ARHGAP10: variants seen among roughly 807,000 people sequenced by gnomAD.
ARHGAP10 encodes rho GTPase-activating protein 10.
Under a neutral mutation model 108.6 loss-of-function variants are expected in ARHGAP10, and 87 were observed. The observed-to-expected ratio is 0.80, with a 90% CI of 0.67 to 0.96. The LOEUF is 0.96. ARHGAP10 is among the 40% of genes least tolerant of loss of function. The pLI, the probability that ARHGAP10 is intolerant of heterozygous loss-of-function variation, is 0.00. For synonymous variants in ARHGAP10, 347 were observed against 341.1 expected (o/e 1.02, Z -0.19); for missense variants, 939 against 954.5 (o/e 0.98, Z 0.21).
At position 147,775,768 on chromosome 4, in the gene ARHGAP10, A is replaced by G. The variant is rs560929999; in HGVS notation, c.154+43313A>G. On this transcript the variant is annotated intron_variant, in intron 1 of 22. Coordinates refer to ENST00000336498, the MANE Select transcript of ARHGAP10 (RefSeq NM_024605.4). ...GCTCTAAATCCTTTTGCACAGAATT[A>G]TGGTATAAAACAGCATGTATGCAGC... Among the ~76,000 whole-genome samples, 23 of 152,304 alleles carry G rather than the reference A, an allele frequency of 1.5e-4. No individual in the cohort carries two copies. The South Asian group carries it at 3.9e-3, about 26-fold the overall frequency.
intron 1 of ARHGAP10, among the ~76,000 whole-genome samples, chr4:147,757,000 G>A (rs1014086588): frequency 1.3e-5 from 2 of 151,832 alleles, no homozygotes; most frequent in Admixed American, 1.3e-4. Context: ...TGGTGGCAGT[G>A]CAGTTGCAGA....
chr4:147,896,677 A>T (rs140138947), intron 10 of ARHGAP10, among the ~76,000 whole-genome samples: 1,540 of 151,418 alleles, frequency 0.01, 23 homozygotes, highest in African/African-American at 0.034. Context: ...TTTGGATTTA[A>T]TTTTTCTTTT....
intron 19 of ARHGAP10, among the ~76,000 whole-genome samples, chr4:148,042,915 C>G (rs1488109366): frequency 1.3e-5 from 2 of 152,008 alleles, no homozygotes; most frequent in Non-Finnish European, 2.9e-5. Flanking sequence ...TTTTTTTTCC[C>G]TCCTCAATTT....
At chr4:147,742,167 A>AG (rs1271033553) in intron 1 of ARHGAP10, among the ~76,000 whole-genome samples, 1 of 151,898 alleles carries the variant, frequency 6.6e-6, no homozygotes, top group Non-Finnish European at 1.5e-5. Context: ...AAAAAAAAAA[A>AG]TGAGTGCTTT....
At chr4:148,009,592 C>T (rs1379418275) in intron 18 of ARHGAP10, among the ~76,000 whole-genome samples, 2 of 152,154 alleles carry the variant, frequency 1.3e-5, no homozygotes, top group African/African-American at 2.4e-5. Context: ...TGATGTTTCC[C>T]AGTCTGGAAG....
chr4:148,045,738 C>CAAAAAAAA (rs11363800), intron 19 of ARHGAP10, among the ~76,000 whole-genome samples: 4 of 57,520 alleles, frequency 7.0e-5, no homozygotes, highest in African/African-American at 1.5e-4. Context: ...AACTCCATCT[C>CAAAAAAAA]AAAAAAAAAA....
At chr4:147,932,841 T>TAATATGGGA (rs1737759068) in intron 13 of ARHGAP10, among the ~76,000 whole-genome samples, 1 of 152,078 alleles carries the variant, frequency 6.6e-6, no homozygotes, top group African/African-American at 2.4e-5. Context: ...AATAAAAAGG[T>TAATATGGGA]AATATGGGAC....
chr4:147,942,072 G>GAACC (rs1407558229), intron 14 of ARHGAP10, among the ~76,000 whole-genome samples: 1 of 152,124 alleles, frequency 6.6e-6, no homozygotes, highest in Non-Finnish European at 1.5e-5. Context: ...CATTGTTAGA[G>GAACC]GGTTACATGT....
chr4:147,753,158 A>T (rs1729230966), intron 1 of ARHGAP10, among the ~76,000 whole-genome samples: 1 of 152,288 alleles, frequency 6.6e-6, no homozygotes, highest in African/African-American at 2.4e-5. Context: ...CAATTTGCGT[A>T]TGGAAAGCTG....
chr4:148,072,226 G>A lies in ARHGAP10; in HGVS notation c.*145G>A. The A allele has an allele frequency of 3.7e-6, 2 of 536,140 alleles. No homozygotes were observed. The highest frequency in any genetic ancestry group is 4.4e-5 in the South Asian group (2 of 45,788). The allele number at this position is 536,140 out of a possible 1,614,324, so 33.2% of individuals were successfully genotyped here. A position where few individuals can be genotyped will look rare whatever the true frequency, so the allele number is the denominator to read the frequency against. ...ACCATCATCACAGTCAGCCCTGGGG[G>A]TGGGGGGTGGTGGGCAGGGATGGGA... On this transcript the variant is annotated 3_prime_UTR_variant, in exon 23 of 23. Coordinates refer to ENST00000336498, the MANE Select transcript of ARHGAP10 (RefSeq NM_024605.4).
intron 18 of ARHGAP10, among the ~76,000 whole-genome samples, chr4:148,003,580 A>T (rs895150165): frequency 2.6e-5 from 4 of 152,154 alleles, no homozygotes; most frequent in African/African-American, 9.7e-5. Context: ...GACTTGCTTT[A>T]TGAATCTGGG....
intron 3 of ARHGAP10, among the ~76,000 whole-genome samples, chr4:147,845,811 G>GA (rs1486721438): frequency 2.6e-5 from 4 of 152,216 alleles, no homozygotes; most frequent in Admixed American, 2.6e-4. Flanking sequence ...CATGCACTGT[G>GA]AAAACGTATG....
At chr4:148,066,191 G>C (rs761733061) in intron 22 of ARHGAP10, among the ~76,000 whole-genome samples, 23 of 152,118 alleles carry the variant, frequency 1.5e-4, no homozygotes, top group Non-Finnish European at 2.9e-4. Context: ...CATGTATCAT[G>C]GCCACACTCT....
chr4:147,754,188 T>C (rs1017308779), intron 1 of ARHGAP10, among the ~76,000 whole-genome samples: 1 of 152,194 alleles, frequency 6.6e-6, no homozygotes, highest in African/African-American at 2.4e-5. Flanking sequence ...AATGTTTATT[T>C]AGGTTAAGCT....
intron 8 of ARHGAP10, among the ~76,000 whole-genome samples, chr4:147,878,270 G>C (rs1282068866): frequency 6.6e-6 from 1 of 152,040 alleles, no homozygotes; most frequent in Non-Finnish European, 1.5e-5. Context: ...TAAATTTTTT[G>C]TATTTTAGTA....
chr4:147,850,271 G>A (rs984983258), intron 4 of ARHGAP10, among the ~76,000 whole-genome samples: 1 of 152,240 alleles, frequency 6.6e-6, no homozygotes. Flanking sequence ...TCAGCAGGCC[G>A]TGGACGGGGC....
chr4:147,744,294 G>A (rs148584538), intron 1 of ARHGAP10, among the ~76,000 whole-genome samples: 75 of 152,166 alleles, frequency 4.9e-4, no homozygotes, highest in Non-Finnish European at 8.7e-4. Flanking sequence ...GCATCTGAGA[G>A]GTCAGAGAGA....
intron 10 of ARHGAP10, 145 bp downstream of exon 10, chr4:147,882,077 C>T: frequency 2.7e-6 from 2 of 736,004 alleles, no homozygotes; most frequent in Non-Finnish European, 4.5e-6. Context: ...TCATTATAAG[C>T]TGTTTAGTCT....
At chr4:147,874,292 C>T (rs529196578) in intron 7 of ARHGAP10, among the ~76,000 whole-genome samples, 64 of 152,310 alleles carry the variant, frequency 4.2e-4, no homozygotes, top group African/African-American at 1.3e-3. Context: ...TCCAGGAACA[C>T]GGTGGTGCTG....
Sources: gnomAD v4.1 joint callset for allele counts (sites outside exome capture counted in the v4.1 genomes callset) on GRCh38, gnomAD v4.1.1 for gene constraint, MANE v1.5 for transcripts, NCBI Gene and HGNC (gene_info 2026-07-23, HGNC 2026-07-21) for gene names.